ARAP2: variants seen among roughly 807,000 people sequenced by gnomAD.
ARAP2 encodes the protein ArfGAP with RhoGAP domain, ankyrin repeat and PH domain 2.
A neutral mutation model predicts 194.5 loss-of-function variants in ARAP2; 148 were observed. The ratio of observed to expected loss-of-function variants is 0.76; its 90% confidence interval spans 0.67 to 0.87. The LOEUF (loss-of-function observed/expected upper bound fraction) is 0.87. Ranked by LOEUF, ARAP2 falls within the 40% of genes least tolerant of loss-of-function variation. The pLI is 0.00. For synonymous variants in ARAP2, 695 were observed against 683.5 expected (o/e 1.02, Z -0.26); for missense variants, 2,128 against 1,989.7 (o/e 1.07, Z -1.32).
intron 26 of ARAP2, among the ~76,000 whole-genome samples, chr4:36,111,985 T>C (rs1720105463): frequency 6.6e-6 from 1 of 152,014 alleles, no homozygotes; most frequent in South Asian, 2.1e-4. Flanking sequence ...GCAACAGAAA[T>C]AGAAGCGTGT....
intron 1 of ARAP2, among the ~76,000 whole-genome samples, chr4:36,237,627 T>C (rs918997577): frequency 1.8e-4 from 28 of 152,208 alleles, no homozygotes; most frequent in African/African-American, 6.5e-4. Flanking sequence ...TCCACAATGA[T>C]TGTAAACTTC....
rs575170541 is a variant in ARAP2 at position 36,076,315 on chromosome 4, T to C, written c.4609-2492A>G. Among the ~76,000 whole-genome samples, 10 of 152,216 alleles carry C rather than the reference T, an allele frequency of 6.6e-5. No homozygotes were observed. In the South Asian group the frequency reaches 2.1e-3, roughly 32 times the overall value. Reference sequence around the variant, plus strand: ...GCCTCTGCTGGTTTAATAACATCTCTCCTCTTCTGTCCATTTCTTCTTCCT... The same window carrying C: ...GCCTCTGCTGGTTTAATAACATCTCCCCTCTTCTGTCCATTTCTTCTTCCT... On this transcript the variant is annotated intron_variant, in intron 31 of 32. Transcript: ENST00000303965.
chr4:36,024,800 ATATTT>A (rs1254149593), intron 5 of ARAP2, among the ~76,000 whole-genome samples: 2 of 152,142 alleles, frequency 1.3e-5, no homozygotes, highest in Non-Finnish European at 2.9e-5. Context: ...ACTATATATT[ATATTT>A]TTACAAAACT....
intron 30 of ARAP2, 105 bp from the exon 31 acceptor site, chr4:36,080,384 G>T: frequency 2.4e-6 from 2 of 844,770 alleles, no homozygotes; most frequent in South Asian, 1.6e-5. Context: ...GGTCTCTCCT[G>T]ATTAATGACG....
intron 26 of ARAP2, among the ~76,000 whole-genome samples, chr4:36,109,562 G>T (rs1475442704): frequency 6.6e-6 from 1 of 151,820 alleles, no homozygotes. Flanking sequence ...TTTTCTAAAA[G>T]ATTGGGAAAA....
chr4:36,075,024 C>T lies in ARAP2; in HGVS notation c.4609-1201G>A, dbSNP rs577162137. Among the ~76,000 whole-genome samples, 7 of 152,136 alleles carry T rather than the reference C, an allele frequency of 4.6e-5. No individual in the cohort carries two copies. In the East Asian group the frequency reaches 1.4e-3, roughly 29 times the overall value. On this transcript the variant is annotated intron_variant, in intron 31 of 32. Transcript: ENST00000303965. Reference sequence around the variant, plus strand: ...CGCAAATCTATAATGGTAGGTTATACAGTATTTCAATTGGAAAGTTATAGC... The same window carrying T: ...CGCAAATCTATAATGGTAGGTTATATAGTATTTCAATTGGAAAGTTATAGC...
chr4:36,163,773 A>G (rs1040746159), intron 11 of ARAP2, among the ~76,000 whole-genome samples: 2 of 152,202 alleles, frequency 1.3e-5, no homozygotes, highest in Non-Finnish European at 2.9e-5. Context: ...AAGCAAAGGT[A>G]GAAAAAAACA....
chr4:36,149,426 G>T (rs1418784546), intron 16 of ARAP2, among the ~76,000 whole-genome samples: 1 of 152,170 alleles, frequency 6.6e-6, no homozygotes, highest in South Asian at 2.1e-4. Context: ...CCTAAAATAT[G>T]TCTATATAAA....
chr4:36,072,211 C>T (rs906664099), intron 32 of ARAP2, among the ~76,000 whole-genome samples: 1 of 151,970 alleles, frequency 6.6e-6, no homozygotes, highest in African/African-American at 2.4e-5. Context: ...AATCACCAAA[C>T]TACCTTATAT....
chr4:36,071,682 GTTT>G (rs918392737), intron 32 of ARAP2, among the ~76,000 whole-genome samples: 1 of 86,204 alleles, frequency 1.2e-5, no homozygotes, highest in Non-Finnish European at 2.4e-5. Context: ...TTTTTTTTGA[GTTT>G]TTTTTTAATT....
At chr4:36,198,412 C>A (rs762271871) in intron 6 of ARAP2, among the ~76,000 whole-genome samples, 2 of 152,228 alleles carry the variant, frequency 1.3e-5, no homozygotes, top group Admixed American at 6.5e-5. Context: ...AACCTTTAGG[C>A]CCTCCCTGGC....
chr4:36,077,659 T>G (rs972678934), intron 31 of ARAP2, among the ~76,000 whole-genome samples: 7 of 152,064 alleles, frequency 4.6e-5, no homozygotes, highest in Non-Finnish European at 1.5e-5. Flanking sequence ...TAGCTGTTCA[T>G]CCCACTTGCA....
At chr4:36,062,742 C>T (rs1724671574), downstream of ARAP2, among the ~76,000 whole-genome samples, 1 of 151,860 alleles carries the variant, frequency 6.6e-6, no homozygotes, top group Admixed American at 6.6e-5. Flanking sequence ...TGAACTTTAA[C>T]TCATAAAAAG....
chr4:36,075,447 C>A (rs1471987117), intron 31 of ARAP2, among the ~76,000 whole-genome samples: 1 of 152,116 alleles, frequency 6.6e-6, no homozygotes, highest in Non-Finnish European at 1.5e-5. Context: ...ATCAAACTTT[C>A]ATTTTATAAC....
chr4:36,142,771 C>A (rs752330642), intron 19 of ARAP2, among the ~76,000 whole-genome samples: 2 of 151,704 alleles, frequency 1.3e-5, no homozygotes, highest in Non-Finnish European at 2.9e-5. Flanking sequence ...GTCATCAAAG[C>A]TCCAACACAG....
At chr4:36,128,965 G>C (rs991792413) in intron 20 of ARAP2, among the ~76,000 whole-genome samples, 1 of 151,834 alleles carries the variant, frequency 6.6e-6, no homozygotes, top group African/African-American at 2.4e-5. Context: ...TCAGCTTTTG[G>C]CAAGCCCCTG....
At chr4:36,045,850 T>A (rs1162004687) in intron 5 of ARAP2, 1 of 151,518 alleles carries the variant, frequency 6.6e-6, no homozygotes, top group Non-Finnish European at 1.5e-5. Context: ...ATTAAATAAA[T>A]AAATAAATAC....
At chr4:36,068,768 A>AGCTAC (rs1277745105) in intron 32 of ARAP2, among the ~76,000 whole-genome samples, 11 of 152,210 alleles carry the variant, frequency 7.2e-5, no homozygotes, top group African/African-American at 2.7e-4. Context: ...GGCTAGGCTA[A>AGCTAC]GCTACAACAT....
At chr4:36,194,441 C>T (rs189893039) in intron 6 of ARAP2, among the ~76,000 whole-genome samples, 97 of 152,124 alleles carry the variant, frequency 6.4e-4, no homozygotes, top group Admixed American at 4.3e-3. Flanking sequence ...TATACGAAAA[C>T]GAACTTCTTA....
Sources: allele counts gnomAD v4.1 joint callset (sites outside exome capture counted in the v4.1 genomes callset), GRCh38; gene constraint gnomAD v4.1.1; transcripts MANE v1.5; gene names NCBI Gene and HGNC (gene_info 2026-07-23, HGNC 2026-07-21).